SPTA1: variants seen among roughly 807,000 people sequenced by gnomAD.
SPTA1 encodes the protein spectrin alpha, erythrocytic 1.
In SPTA1, 177 loss-of-function variants were observed where a neutral mutation model predicts 324.7. The observed-to-expected ratio is 0.55, with a 90% CI of 0.48 to 0.62. The LOEUF (loss-of-function observed/expected upper bound fraction) is 0.62, where lower values mean the gene tolerates loss of function less well. Among genes scored for constraint, SPTA1 ranks in the 20% least tolerant of loss-of-function variants. The probability of loss-of-function intolerance (pLI) is 0.00; values close to 1 mark genes in which losing one functional copy is unlikely to be tolerated. For missense variants in SPTA1, 3,162 were observed against 2,883.6 expected (o/e 1.10, Z -2.21); for synonymous variants, 1,195 against 1,041.3 (o/e 1.15, Z -2.84).
At position 158,626,218 on chromosome 1, in the gene SPTA1, A is replaced by G. The variant is rs200330662; in HGVS notation, c.5838T>C (p.Asp1946=). 819 of 1,613,530 alleles carry G rather than the reference A, an allele frequency of 5.1e-4. 2 individuals are homozygous for G. The African/African-American group carries it at 9.1e-3, about 18-fold the overall frequency. The part of the protein sequence containing the change: ...KADVVEAWIA[D]KETSLKTNGN... Reference sequence around the variant, plus strand: ...CATTGGTCTTTAGGCTTGTTTCCTTATCAGCTAAAAGGCAAAAACAATTAA... The same window carrying G: ...CATTGGTCTTTAGGCTTGTTTCCTTGTCAGCTAAAAGGCAAAAACAATTAA... Residue 1946 remains aspartate (D), a synonymous_variant, in exon 42 of 52, where the codon GAT becomes GAC. Coordinates refer to ENST00000643759, the MANE Select transcript of SPTA1 (RefSeq NM_003126.4).
intron 45 of SPTA1, 26 bp downstream of exon 45, chr1:158,619,196 A>G (rs769345634): frequency 6.2e-7 from 1 of 1,602,882 alleles, no homozygotes; most frequent in Non-Finnish European, 8.5e-7. Flanking sequence ...CACAGGGGTC[A>G]TGGTTTGGGA....
At chr1:158,627,765 G>A (rs1571395146) in intron 39 of SPTA1, 42 bp from the exon 40 acceptor site, 3 of 1,579,238 alleles carry the variant, frequency 1.9e-6, no homozygotes, top group Non-Finnish European at 2.6e-6. Context: ...TCCAAAGCCG[G>A]AAAATCTATA....
In SPTA1 at chr1:158,669,444, G is replaced by A; in HGVS notation, c.1797C>T (p.Asn599=). ...CATCATCTGCCAACTTTTTCTTCTT[G>A]TTGATCCAGTTCTTTAGGTCATCTG... ...EDSDDLKNWI[N]KKKKLADDED... The change falls in exon 14 of 52, where the codon AAC becomes AAT. Residue 599 remains asparagine (N), a synonymous_variant. Coordinates refer to ENST00000643759, the MANE Select transcript of SPTA1 (RefSeq NM_003126.4). 1 of 1,614,088 alleles carries A rather than the reference G, an allele frequency of 6.2e-7. No individual in the cohort carries two copies. The highest frequency in any genetic ancestry group is 8.5e-7 in the Non-Finnish European group (1 of 1,179,996).
chr1:158,681,692 C>A, intron 3 of SPTA1, 25 bp from the exon 4 acceptor site: 1 of 1,613,354 alleles, frequency 6.2e-7, no homozygotes, highest in Non-Finnish European at 8.5e-7. Context: ...GGCAAAACCA[C>A]TCAGCCACAG....
At chr1:158,639,289 T>A in intron 35 of SPTA1, 1 of 382,886 alleles carries the variant, frequency 2.6e-6, no homozygotes, top group Non-Finnish European at 4.8e-6. Flanking sequence ...ATCAAATATA[T>A]AGCTTAAAGA....
chr1:158,685,330 C>T lies in SPTA1; in HGVS notation c.42G>A (p.Gly14=). 1 of 1,613,570 alleles carries T rather than the reference C, an allele frequency of 6.2e-7. No individual in the cohort carries two copies. Reference sequence around the variant, plus strand: ...CTTCTGCTGTTTCCAAAACCTTTGGCCCACTGCTCTCCACAACCTGCAAGT... The same window carrying T: ...CTTCTGCTGTTTCCAAAACCTTTGGTCCACTGCTCTCCACAACCTGCAAGT... ...FPKETVVESS[G]PKVLETAEEI... Residue 14 remains glycine, a synonymous_variant, in exon 2 of 52, where the codon GGG becomes GGA. Coordinates refer to ENST00000643759, the MANE Select transcript of SPTA1 (RefSeq NM_003126.4).
In SPTA1 at chr1:158,634,528, C is replaced by T. The variant is rs1206009543; in HGVS notation, c.5565+15G>A. The T allele has an allele frequency of 1.2e-6, 2 of 1,613,474 alleles. No homozygotes were observed. The highest frequency in any genetic ancestry group is 1.1e-5 in the South Asian group (1 of 91,080). ...TTGAAGAGAAGAAAATTGATTCATTCTTCCTGTTCCTCACCTGAGTAGCAG... is the reference window on the plus strand; with the variant it reads ...TTGAAGAGAAGAAAATTGATTCATTTTTCCTGTTCCTCACCTGAGTAGCAG... On this transcript the variant is annotated intron_variant, in intron 39 of 51. Transcript: ENST00000643759.
At chr1:158,676,322 G>A (rs755953515) in intron 7 of SPTA1, 27 bp from the exon 8 acceptor site, 2 of 1,612,258 alleles carry the variant, frequency 1.2e-6, no homozygotes, top group East Asian at 2.2e-5. Flanking sequence ...AAACCTAGTA[G>A]GAAATCCAAG....
At chr1:158,617,456 C>T in intron 47 of SPTA1, 81 bp downstream of exon 47, 2 of 1,188,276 alleles carry the variant, frequency 1.7e-6, no homozygotes, top group East Asian at 2.4e-5. Context: ...AAAAGTATCA[C>T]CTGGGCTTCC....
chr1:158,635,913 C>T lies in SPTA1; in HGVS notation c.5432G>A (p.Arg1811Gln), dbSNP rs748672916. The T allele has an allele frequency of 1.5e-5, 24 of 1,613,982 alleles. No individual in the cohort carries two copies. The Admixed American group carries it at 2.0e-4, about 13-fold the overall frequency. Residue 1811 changes from arginine to glutamine, a missense_variant and splice_region_variant, in exon 38 of 52, where the codon CGA becomes CAA. Transcript: ENST00000643759. Reference sequence around the variant, plus strand: ...ACTGGGCCTTCTGTATCCCACTCACCGGGCCTTGGCCAACTCTTTGAGCTT... The same window carrying T: ...ACTGGGCCTTCTGTATCCCACTCACTGGGCCTTGGCCAACTCTTTGAGCTT... ...WEKLKELAKARGLKLEESLEY... is the reference protein window; with the variant it reads ...WEKLKELAKAQGLKLEESLEY...
chr1:158,644,170 A>G, intron 30 of SPTA1, 83 bp downstream of exon 30: 1 of 1,554,820 alleles, frequency 6.4e-7, no homozygotes, highest in Non-Finnish European at 8.8e-7. Flanking sequence ...ATGTTTATAA[A>G]TTATAAAACC....
chr1:158,677,690 C>A lies in SPTA1; in HGVS notation c.957G>T (p.Lys319Asn), dbSNP rs752690778. The change falls in exon 7 of 52, where the codon AAG becomes AAT. Residue 319 changes from lysine to asparagine, a missense_variant and splice_region_variant. Coordinates refer to ENST00000643759, the MANE Select transcript of SPTA1 (RefSeq NM_003126.4). ...LERNLAVMSD[K>N]VKELCAKAEK... ...AGCCATTTCTCTAACAGCGCATTAC[C>A]TTGTCACTCATGACAGCAAGATTTC... The A allele has an allele frequency of 6.2e-7, 1 of 1,613,146 alleles. No individual in the cohort carries two copies. The highest frequency in any genetic ancestry group is 1.3e-5 in the African/African-American group (1 of 74,870).
intron 3 of SPTA1, among the ~76,000 whole-genome samples, chr1:158,682,907 G>A (rs2101950105): frequency 6.6e-6 from 1 of 152,234 alleles, no homozygotes; most frequent in Admixed American, 6.5e-5. Flanking sequence ...TTGGAGAGGT[G>A]CAATAGTAGT....
At chr1:158,653,555 G>A in intron 21 of SPTA1, 130 bp from the exon 22 acceptor site, 2 of 1,236,248 alleles carry the variant, frequency 1.6e-6, no homozygotes, top group South Asian at 1.3e-5. Context: ...TGTCTAATGA[G>A]TGGCACATAA....
intron 2 of SPTA1, 72 bp downstream of exon 2, chr1:158,685,036 A>G (rs1655065284): frequency 1.3e-6 from 2 of 1,589,474 alleles, no homozygotes; most frequent in Admixed American, 1.7e-5. Context: ...TAACATTAAC[A>G]TAAAGAAAAA....
At chr1:158,663,461 G>A (rs1653388093) in intron 16 of SPTA1, among the ~76,000 whole-genome samples, 1 of 152,182 alleles carries the variant, frequency 6.6e-6, no homozygotes, top group Admixed American at 6.5e-5. Context: ...TTAACGGAGT[G>A]CCTTGCCACC....
chr1:158,613,070 T>C (rs1649356870), intron 50 of SPTA1, 109 bp from the exon 51 acceptor site: 1 of 1,231,870 alleles, frequency 8.1e-7, no homozygotes, highest in South Asian at 1.3e-5. Flanking sequence ...ATTCTCCAAG[T>C]GCCTCTTCCA....
chr1:158,684,115 T>C (rs1442553878), intron 2 of SPTA1, among the ~76,000 whole-genome samples: 1 of 151,022 alleles, frequency 6.6e-6, no homozygotes, highest in Non-Finnish European at 1.5e-5. Flanking sequence ...AAACTCTGGT[T>C]AACTCATCTC....
intron 12 of SPTA1, 41 bp from the exon 13 acceptor site, chr1:158,669,827 G>T: frequency 1.3e-6 from 2 of 1,596,670 alleles, no homozygotes; most frequent in South Asian, 2.2e-5. Flanking sequence ...TTCCTTCAGT[G>T]ACCACTGAGT....
Sources: gnomAD v4.1 joint callset for allele counts (sites outside exome capture counted in the v4.1 genomes callset) on GRCh38, gnomAD v4.1.1 for gene constraint, MANE v1.5 for transcripts, NCBI Gene and HGNC (gene_info 2026-07-23, HGNC 2026-07-21) for gene names.